TENM3: variants seen among roughly 807,000 people sequenced by gnomAD.
TENM3 encodes teneurin transmembrane protein 3.
In TENM3, 63 loss-of-function variants were observed where a neutral mutation model predicts 255.1. That is an observed-to-expected ratio of 0.25 (90% confidence interval 0.20 to 0.30). The LOEUF is 0.30. TENM3 is among the 10% of genes least tolerant of loss of function. TENM3 has a pLI of 1.00. For synonymous variants in TENM3, 1,306 were observed against 1,322.3 expected, an observed-to-expected ratio of 0.99 and a Z score of 0.27; for missense variants, 2,929 against 3,461.1, an observed-to-expected ratio of 0.85 and a Z score of 3.86.
At chr4:181,464,442 A>T in the TENM3 span, among the ~76,000 whole-genome samples, 1 of 152,070 alleles carries the variant, frequency 6.6e-6, no homozygotes, top group East Asian at 1.9e-4. Flanking sequence ...TCATGTGTAT[A>T]TCTTCTTTTG....
chr4:182,045,619 G>T, the TENM3 span, among the ~76,000 whole-genome samples: 2 of 152,100 alleles, frequency 1.3e-5, no homozygotes, highest in Non-Finnish European at 2.9e-5. Flanking sequence ...CAAGGATAGT[G>T]AAAAAATGGC....
At chr4:182,315,801 G>C (rs1426597317) in intron 1 of TENM3, among the ~76,000 whole-genome samples, 1 of 151,810 alleles carries the variant, frequency 6.6e-6, no homozygotes, top group Non-Finnish European at 1.5e-5. Context: ...TTCTTTTTCT[G>C]TGCTTTATTT....
At chr4:181,727,762 G>C in the TENM3 span, among the ~76,000 whole-genome samples, 2 of 152,124 alleles carry the variant, frequency 1.3e-5, no homozygotes, top group African/African-American at 4.8e-5. Flanking sequence ...TGGTTCCCAA[G>C]CTTTTAAGTA....
At chr4:181,987,750 C>T in the TENM3 span, among the ~76,000 whole-genome samples, 3 of 152,094 alleles carry the variant, frequency 2.0e-5, no homozygotes, top group Admixed American at 2.0e-4. Flanking sequence ...AAAAAATAGA[C>T]TCAGTGCTGA....
Position 182,323,954 on chromosome 4 carries a change from A to G in TENM3, c.-67A>G. The G allele has an allele frequency of 2.1e-6, 3 of 1,397,540 alleles. No homozygotes were observed. Among genetic ancestry groups the G allele is most frequent in the Non-Finnish European group, 3.0e-6 (3 of 1,005,630 alleles). The allele number at this position is 1,397,540 out of a possible 1,614,324, so 86.6% of individuals were successfully genotyped here. ...ACCTTGTATCTTCACAGAGAGGCCAATGAGACTTGAACCCTGAGCCTAAGT... is the reference window on the plus strand; with the variant it reads ...ACCTTGTATCTTCACAGAGAGGCCAGTGAGACTTGAACCCTGAGCCTAAGT... On this transcript the variant is annotated 5_prime_UTR_variant, in exon 2 of 28. An upstream start codon of the reference 5' UTR is lost. Coordinates refer to ENST00000511685, the MANE Select transcript of TENM3 (RefSeq NM_001080477.4).
At chr4:181,987,783 G>T in the TENM3 span, among the ~76,000 whole-genome samples, 9 of 150,396 alleles carry the variant, frequency 6.0e-5, no homozygotes, top group East Asian at 1.9e-4. Context: ...TATACATATA[G>T]AGAGAGATAT....
At chr4:182,037,540 A>G in the TENM3 span, among the ~76,000 whole-genome samples, 1 of 152,220 alleles carries the variant, frequency 6.6e-6, no homozygotes, top group Non-Finnish European at 1.5e-5. Context: ...CCTAGGAGAT[A>G]GTTGTTCAGT....
the TENM3 span, among the ~76,000 whole-genome samples, chr4:181,644,872 A>G: frequency 6.6e-6 from 1 of 152,110 alleles, no homozygotes; most frequent in East Asian, 1.9e-4. Context: ...TTAGAGGGCC[A>G]CTGAGAGGAA....
At chr4:182,339,572 C>T (rs888450572) in intron 2 of TENM3, among the ~76,000 whole-genome samples, 3 of 152,176 alleles carry the variant, frequency 2.0e-5, no homozygotes, top group African/African-American at 4.8e-5. Flanking sequence ...CTCCTCAGGA[C>T]GCAGTGGGGG....
chr4:182,598,088 A>T (rs1747448897), intron 3 of TENM3, among the ~76,000 whole-genome samples: 1 of 152,128 alleles, frequency 6.6e-6, no homozygotes, highest in Admixed American at 6.5e-5. Context: ...CTGAGGTGGG[A>T]TTGATTTTCT....
chr4:181,475,715 G>A, the TENM3 span, among the ~76,000 whole-genome samples: 2 of 152,188 alleles, frequency 1.3e-5, no homozygotes, highest in Admixed American at 1.3e-4. Flanking sequence ...TAATTGGGGA[G>A]AAATATTTGA....
At chr4:181,693,214 C>T in the TENM3 span, among the ~76,000 whole-genome samples, 50 of 152,330 alleles carry the variant, frequency 3.3e-4, 2 homozygotes, top group South Asian at 9.5e-3. Context: ...TAAAGAAGTG[C>T]ACTGTACTTA....
At chr4:181,919,968 G>C in the TENM3 span, among the ~76,000 whole-genome samples, 11 of 144,138 alleles carry the variant, frequency 7.6e-5, no homozygotes, top group African/African-American at 2.9e-4. Context: ...CCACCTATGA[G>C]TGAGAATATG....
chr4:182,014,400 C>T, the TENM3 span, among the ~76,000 whole-genome samples: 28 of 152,000 alleles, frequency 1.8e-4, no homozygotes, highest in African/African-American at 6.0e-4. Flanking sequence ...GACTAGACTT[C>T]GGAATCCACG....
intron 1 of TENM3, among the ~76,000 whole-genome samples, chr4:182,165,958 T>C (rs1751684375): frequency 6.6e-6 from 1 of 152,156 alleles, no homozygotes; most frequent in South Asian, 2.1e-4. Context: ...TTTTGTCTTT[T>C]TAGTAGAGAC....
chr4:181,767,009 T>C, the TENM3 span, among the ~76,000 whole-genome samples: 1 of 150,134 alleles, frequency 6.7e-6, no homozygotes, highest in Non-Finnish European at 1.5e-5. Context: ...TCCCAGCACT[T>C]TGGGAGGCCG....
At chr4:181,647,216 G>C in the TENM3 span, among the ~76,000 whole-genome samples, 3 of 152,156 alleles carry the variant, frequency 2.0e-5, no homozygotes, top group African/African-American at 7.2e-5. Flanking sequence ...TTTTTACGTA[G>C]ATGAGTGCAA....
chr4:181,767,632 T>C, the TENM3 span, among the ~76,000 whole-genome samples: 1 of 152,000 alleles, frequency 6.6e-6, no homozygotes, highest in East Asian at 1.9e-4. Context: ...TTCCAGAGAG[T>C]CTTACTCAGT....
intron 24 of TENM3, among the ~76,000 whole-genome samples, chr4:182,781,105 T>C (rs1164929922): frequency 1.3e-5 from 2 of 152,018 alleles, no homozygotes; most frequent in South Asian, 2.1e-4. Context: ...TGAATAGGAG[T>C]GGTGAGAGAG....
Sources: allele counts gnomAD v4.1 joint callset (sites outside exome capture counted in the v4.1 genomes callset), GRCh38; gene constraint gnomAD v4.1.1; transcripts MANE v1.5; gene names NCBI Gene and HGNC (gene_info 2026-07-23, HGNC 2026-07-21).